The following MAP2K1 variants were observed in gnomAD, a reference collection of about 807,000 sequenced individuals.
The protein encoded by MAP2K1 is mitogen-activated protein kinase kinase 1.
MAP2K1 carries 16 observed loss-of-function variants against 46.3 expected under a neutral mutation model. That is an observed-to-expected ratio of 0.35 (90% CI 0.23 to 0.52). The LOEUF (loss-of-function observed/expected upper bound fraction) is 0.52. Ranked by LOEUF, MAP2K1 falls within the 20% of genes least tolerant of loss-of-function variation. The pLI is 0.94. For synonymous variants in MAP2K1, 183 were observed against 185.6 expected, an observed-to-expected ratio of 0.99 and a Z score of 0.11; for missense variants, 263 against 497.1, an observed-to-expected ratio of 0.53 and a Z score of 4.48.
chr15:66,431,107 A>G (rs974133333), intron 1 of MAP2K1, among the ~76,000 whole-genome samples: 4 of 152,188 alleles, frequency 2.6e-5, no homozygotes, highest in African/African-American at 7.2e-5. Context: ...ATTGTGCTGC[A>G]GCTCCAGTTT....
intron 5 of MAP2K1, among the ~76,000 whole-genome samples, chr15:66,460,772 G>A (rs1892298018): frequency 6.6e-6 from 1 of 152,050 alleles, no homozygotes. Flanking sequence ...AGATAAGGGG[G>A]GGTCTGAGTT....
intron 1 of MAP2K1, among the ~76,000 whole-genome samples, chr15:66,418,749 G>A (rs1252232374): frequency 6.6e-6 from 1 of 151,228 alleles, no homozygotes; most frequent in African/African-American, 2.4e-5. Context: ...TGCAAGCTCC[G>A]CCTCCCGGGT....
At chr15:66,408,606 C>G (rs1299706457) in intron 1 of MAP2K1, among the ~76,000 whole-genome samples, 1 of 152,006 alleles carries the variant, frequency 6.6e-6, no homozygotes, top group Non-Finnish European at 1.5e-5. Context: ...GATGGGTAGT[C>G]ACTGGCTTTT....
chr15:66,490,442 G>C, intron 10 of MAP2K1, 60 bp from the exon 11 acceptor site: 1 of 1,227,244 alleles, frequency 8.1e-7, no homozygotes, highest in Non-Finnish European at 1.2e-6. Flanking sequence ...TTTCCTTCCT[G>C]GTGGGTTTTG....
At chr15:66,438,149 C>T (rs1054168118) in intron 3 of MAP2K1, among the ~76,000 whole-genome samples, 6 of 150,668 alleles carry the variant, frequency 4.0e-5, no homozygotes, top group African/African-American at 7.3e-5. Flanking sequence ...TGCAGTGGCG[C>T]GATGTCGGCT....
chr15:66,414,763 C>T (rs2093420620), intron 1 of MAP2K1, among the ~76,000 whole-genome samples: 1 of 151,798 alleles, frequency 6.6e-6, no homozygotes, highest in East Asian at 1.9e-4. Context: ...TCTGGTATGG[C>T]CAGCCCCCAT....
intron 3 of MAP2K1, among the ~76,000 whole-genome samples, chr15:66,438,994 A>C (rs73471710): frequency 1.1e-3 from 167 of 152,294 alleles, no homozygotes; most frequent in African/African-American, 3.8e-3. Context: ...AGATGGGACC[A>C]TGTAGGAAGC....
chr15:66,456,359 T>A (rs948399092), intron 5 of MAP2K1, among the ~76,000 whole-genome samples: 1 of 152,230 alleles, frequency 6.6e-6, no homozygotes, highest in Admixed American at 6.5e-5. Context: ...AGATTATTAG[T>A]CAGAATTCTT....
intron 1 of MAP2K1, among the ~76,000 whole-genome samples, chr15:66,418,611 G>A (rs1462144707): frequency 6.6e-6 from 1 of 151,824 alleles, no homozygotes; most frequent in Non-Finnish European, 1.5e-5. Flanking sequence ...CAGCCCCACT[G>A]TTTAGTGGTC....
At chr15:66,394,712 A>G (rs1044429841) in intron 1 of MAP2K1, among the ~76,000 whole-genome samples, 2 of 152,142 alleles carry the variant, frequency 1.3e-5, no homozygotes, top group Non-Finnish European at 2.9e-5. Context: ...TGGCCTCCCA[A>G]AAGTGCTGGG....
intron 8 of MAP2K1, 59 bp downstream of exon 8, chr15:66,487,351 C>G: frequency 1.3e-6 from 2 of 1,535,430 alleles, no homozygotes; most frequent in Non-Finnish European, 1.8e-6. Context: ...AAGAAAACAC[C>G]CAGGTGGCCG....
chr15:66,429,661 G>A (rs545375977), intron 1 of MAP2K1, among the ~76,000 whole-genome samples: 17 of 104,130 alleles, frequency 1.6e-4, no homozygotes, highest in African/African-American at 7.4e-4. Flanking sequence ...TCTGCACTGC[G>A]GCGCCCCCCC....
intron 3 of MAP2K1, among the ~76,000 whole-genome samples, chr15:66,441,235 G>A (rs1443330187): frequency 2.0e-5 from 3 of 152,002 alleles, no homozygotes; most frequent in African/African-American, 4.8e-5. Flanking sequence ...CAAAGATTTG[G>A]GATTACAGGC....
At chr15:66,420,723 G>GTATATGTATATA (rs1450803477) in intron 1 of MAP2K1, among the ~76,000 whole-genome samples, 1 of 32,958 alleles carries the variant, frequency 3.0e-5, no homozygotes, top group Non-Finnish European at 5.8e-5. Flanking sequence ...ATATATATAT[G>GTATATGTATATA]TGTGTGTGTG....
In MAP2K1 at chr15:66,391,471, G is replaced by T. The variant is rs1296419833; in HGVS notation, c.80+4044G>T. Among the ~76,000 whole-genome samples, 4 of 152,226 alleles carry T rather than the reference G, an allele frequency of 2.6e-5. No individual in the cohort carries two copies. In the East Asian group the frequency reaches 5.8e-4, roughly 22 times the overall value. ...GTCCAGCTAATTTTTTGTATTTTTA[G>T]TAGAGATGGGGTTTCACCATGTTAG... On this transcript the variant is annotated intron_variant, in intron 1 of 10. Transcript: ENST00000307102.
chr15:66,404,934 T>G (rs1451078639), intron 1 of MAP2K1, among the ~76,000 whole-genome samples: 1 of 152,100 alleles, frequency 6.6e-6, no homozygotes, highest in Non-Finnish European at 1.5e-5. Flanking sequence ...TGTTAATCTG[T>G]GGGGCAATAA....
chr15:66,473,286 G>A (rs1482835745), intron 5 of MAP2K1, among the ~76,000 whole-genome samples: 1 of 152,152 alleles, frequency 6.6e-6, no homozygotes, highest in Non-Finnish European at 1.5e-5. Flanking sequence ...TGAAAAATGA[G>A]AGATCAGGCT....
At chr15:66,469,903 A>G (rs1892579577) in intron 5 of MAP2K1, among the ~76,000 whole-genome samples, 1 of 151,210 alleles carries the variant, frequency 6.6e-6, no homozygotes, top group Admixed American at 6.6e-5. Flanking sequence ...TGTCATGAAA[A>G]AAAGAAGGCA....
chr15:66,489,957 C>T (rs568332658), intron 10 of MAP2K1, 194 bp downstream of exon 10: 9 of 658,672 alleles, frequency 1.4e-5, no homozygotes, highest in Admixed American at 6.8e-5. Flanking sequence ...GGGTGACCCC[C>T]GCAGCCTGAG....
Sources: gnomAD v4.1 joint callset for allele counts (sites outside exome capture counted in the v4.1 genomes callset) on GRCh38, gnomAD v4.1.1 for gene constraint, MANE v1.5 for transcripts, NCBI Gene and HGNC (gene_info 2026-07-23, HGNC 2026-07-21) for gene names.